The following WDR59 variants were observed in gnomAD, a reference collection of about 807,000 sequenced individuals.
WDR59 encodes the protein GATOR2 complex protein WDR59.
Under a neutral mutation model 131.2 loss-of-function variants are expected in WDR59, and 100 were observed. The observed-to-expected ratio is 0.76, with a 90% CI of 0.65 to 0.90. The LOEUF (loss-of-function observed/expected upper bound fraction) is 0.90. Ranked by LOEUF, WDR59 falls within the 40% of genes least tolerant of loss-of-function variation. WDR59 has a pLI of 0.00. For synonymous variants in WDR59, 601 were observed against 466.2 expected (o/e 1.29, Z -3.72); for missense variants, 1,203 against 1,262.2 (o/e 0.95, Z 0.71).
intron 1 of WDR59, among the ~76,000 whole-genome samples, chr16:74,966,345 T>G (rs913754588): frequency 1.3e-5 from 2 of 152,060 alleles, no homozygotes; most frequent in African/African-American, 4.8e-5. Context: ...CCCGGTGTTG[T>G]GGTGGACACC....
chr16:74,981,649 TATATATA>T (rs1318726359), intron 1 of WDR59, among the ~76,000 whole-genome samples: 122 of 5,606 alleles, frequency 0.022, 10 homozygotes, highest in South Asian at 0.037. Flanking sequence ...TATATATATA[TATATATA>T]TATATTTTTT....
chr16:74,960,119 C>T (rs2033488527), intron 2 of WDR59, among the ~76,000 whole-genome samples: 1 of 151,880 alleles, frequency 6.6e-6, no homozygotes, highest in Non-Finnish European at 1.5e-5. Context: ...TGCCTGAGCT[C>T]AGGGGCTTGA....
chr16:74,920,866 CA>C (rs2030150727), intron 10 of WDR59, among the ~76,000 whole-genome samples: 1 of 152,078 alleles, frequency 6.6e-6, no homozygotes, highest in Non-Finnish European at 1.5e-5. Flanking sequence ...AGTGAAACCA[CA>C]AAGGAAAAAT....
intron 7 of WDR59, among the ~76,000 whole-genome samples, chr16:74,939,545 A>T (rs1253312799): frequency 7.0e-6 from 1 of 141,982 alleles, no homozygotes; most frequent in Non-Finnish European, 1.6e-5. Flanking sequence ...AACTAAGTTT[A>T]AAAAAAAAAA....
At chr16:74,982,679 C>T (rs1285384546) in intron 1 of WDR59, among the ~76,000 whole-genome samples, 1 of 152,202 alleles carries the variant, frequency 6.6e-6, no homozygotes, top group Non-Finnish European at 1.5e-5. Flanking sequence ...GAATATGGTT[C>T]CTTTTCCAAG....
At chr16:74,910,206 G>A (rs1224832038) in intron 14 of WDR59, among the ~76,000 whole-genome samples, 2 of 152,070 alleles carry the variant, frequency 1.3e-5, no homozygotes, top group South Asian at 2.1e-4. Flanking sequence ...GACCTCAAGT[G>A]ATCTGCCCAT....
chr16:74,886,082 GC>G, intron 24 of WDR59, 187 bp downstream of exon 24: 1 of 760,278 alleles, frequency 1.3e-6, no homozygotes, highest in Non-Finnish European at 2.0e-6. Context: ...GGAGGCTGAG[GC>G]AGGAGAATCA....
At chr16:74,896,597 T>TG (rs1235087157) in intron 18 of WDR59, among the ~76,000 whole-genome samples, 1 of 150,116 alleles carries the variant, frequency 6.7e-6, no homozygotes, top group Non-Finnish European at 1.5e-5. Flanking sequence ...GTCGCGCCCC[T>TG]GCACTCCAGC....
Position 74,897,834 on chromosome 16 carries a change from TG to T in WDR59, c.1867-4023del, listed in dbSNP as rs1965368004. Among the ~76,000 whole-genome samples the T allele has an allele frequency of 5.9e-5, 9 of 152,328 alleles. No individual in the cohort carries two copies. In the South Asian group the frequency reaches 1.9e-3, roughly 32 times the overall value. ...CGGTTTTTTATAATGTGTTGGTTAGTGGTTTTTAAACATAAATATCTCCCCT... is the reference window on the plus strand; with the variant it reads ...CGGTTTTTTATAATGTGTTGGTTAGTGTTTTTAAACATAAATATCTCCCCT... On this transcript the variant is annotated intron_variant, in intron 18 of 25. Coordinates refer to ENST00000262144, the MANE Select transcript of WDR59 (RefSeq NM_030581.4).
At chr16:74,938,779 C>A (rs890134082) in intron 7 of WDR59, among the ~76,000 whole-genome samples, 1 of 152,038 alleles carries the variant, frequency 6.6e-6, no homozygotes, top group African/African-American at 2.4e-5. Flanking sequence ...CTCAAGCGAA[C>A]CCCCTGCTTT....
At chr16:74,975,864 A>G (rs1000521003) in intron 1 of WDR59, among the ~76,000 whole-genome samples, 1 of 151,742 alleles carries the variant, frequency 6.6e-6, no homozygotes, top group Non-Finnish European at 1.5e-5. Flanking sequence ...TAGAAAAAAA[A>G]AATAGGCCAG....
At chr16:74,981,660 A>ATATATATATT (rs1567451007) in intron 1 of WDR59, among the ~76,000 whole-genome samples, 3 of 80,864 alleles carry the variant, frequency 3.7e-5, no homozygotes, top group African/African-American at 2.2e-4. Flanking sequence ...ATATATATAT[A>ATATATATATT]TTTTTTTTTT....
At chr16:74,891,271 G>A (rs1257504556) in intron 20 of WDR59, among the ~76,000 whole-genome samples, 1 of 152,104 alleles carries the variant, frequency 6.6e-6, no homozygotes, top group East Asian at 1.9e-4. Context: ...ACAATCTAAG[G>A]AGAAAGAATA....
intron 8 of WDR59, among the ~76,000 whole-genome samples, chr16:74,936,228 C>T (rs970297282): frequency 2.6e-5 from 4 of 152,020 alleles, no homozygotes; most frequent in African/African-American, 4.8e-5. Context: ...GAGTCTGTTT[C>T]CTAGGACATC....
At chr16:74,982,195 G>C (rs2034455239) in intron 1 of WDR59, among the ~76,000 whole-genome samples, 1 of 150,908 alleles carries the variant, frequency 6.6e-6, no homozygotes, top group African/African-American at 2.4e-5. Context: ...AAAGTTTATT[G>C]CTCCTATTCA....
chr16:74,932,201 C>G (rs1391523502), intron 8 of WDR59, among the ~76,000 whole-genome samples: 1 of 151,196 alleles, frequency 6.6e-6, no homozygotes, highest in Non-Finnish European at 1.5e-5. Flanking sequence ...TCAAGCAATC[C>G]TCCTGCCTTA....
chr16:74,948,437 G>C, intron 6 of WDR59, 82 bp downstream of exon 6: 1 of 1,287,196 alleles, frequency 7.8e-7, no homozygotes, highest in South Asian at 1.2e-5. Flanking sequence ...GAAAGGAATA[G>C]GAAGGAACGG....
chr16:74,939,226 C>A (rs1473963282), intron 7 of WDR59, among the ~76,000 whole-genome samples: 2 of 152,046 alleles, frequency 1.3e-5, no homozygotes, highest in Non-Finnish European at 2.9e-5. Context: ...CAGGTTTGAG[C>A]CACTTTTCCC....
At chr16:74,980,087 T>C (rs2034343021) in intron 1 of WDR59, among the ~76,000 whole-genome samples, 1 of 150,724 alleles carries the variant, frequency 6.6e-6, no homozygotes, top group Admixed American at 6.6e-5. Flanking sequence ...TCTCGACTCC[T>C]GACACAGGTG....
Sources: allele counts gnomAD v4.1 joint callset (sites outside exome capture counted in the v4.1 genomes callset), GRCh38; gene constraint gnomAD v4.1.1; transcripts MANE v1.5; gene names NCBI Gene and HGNC (gene_info 2026-07-23, HGNC 2026-07-21).